The following CACNA2D3 variants were observed in gnomAD, a reference collection of about 807,000 sequenced individuals.
The protein encoded by CACNA2D3 is calcium voltage-gated channel auxiliary subunit alpha2delta 3, also known as voltage-dependent calcium channel subunit alpha-2/delta-3.
Under a neutral mutation model 160.6 loss-of-function variants are expected in CACNA2D3, and 60 were observed. That is an observed-to-expected ratio of 0.37 (90% CI 0.30 to 0.46). CACNA2D3 has a LOEUF of 0.46. Ranked by LOEUF, CACNA2D3 falls within the 20% of genes least tolerant of loss-of-function variation. The pLI is 1.00. For missense variants in CACNA2D3, 1,205 were observed against 1,365.0 expected (o/e 0.88, Z 1.85); for synonymous variants, 558 against 492.9 (o/e 1.13, Z -1.75).
rs1192648205 is a variant in CACNA2D3 at position 54,496,270 on chromosome 3, C to A, written c.382-7222C>A. 3.3e-5 allele frequency among the ~76,000 whole-genome samples: 5 copies of A among 152,226 alleles called. No homozygotes were observed. The East Asian group carries it at 9.6e-4, about 29-fold the overall frequency. ...TTGTACCATTTTATATTTCCACAAG[C>A]AATATATGAGATATTTGATTGCTCC... On this transcript the variant is annotated intron_variant, in intron 4 of 37. Transcript: ENST00000474759.
intron 27 of CACNA2D3, among the ~76,000 whole-genome samples, chr3:54,940,993 C>T (rs1701451992): frequency 6.6e-6 from 1 of 152,080 alleles, no homozygotes; most frequent in Non-Finnish European, 1.5e-5. Context: ...GATTTAAAAC[C>T]AGTTAACACA....
At chr3:54,806,519 G>T (rs972841597) in intron 13 of CACNA2D3, among the ~76,000 whole-genome samples, 1 of 151,614 alleles carries the variant, frequency 6.6e-6, no homozygotes, top group Non-Finnish European at 1.5e-5. Flanking sequence ...CCTCTTCAAG[G>T]AGAACTACAA....
chr3:55,003,861 G>A (rs867469931), intron 31 of CACNA2D3, among the ~76,000 whole-genome samples: 92 of 152,282 alleles, frequency 6.0e-4, no homozygotes, highest in African/African-American at 2.1e-3. Context: ...CTTTTAGATA[G>A]ATAAGGGAAC....
At chr3:54,675,103 G>A (rs1700217058) in intron 11 of CACNA2D3, among the ~76,000 whole-genome samples, 2 of 152,180 alleles carry the variant, frequency 1.3e-5, no homozygotes, top group Non-Finnish European at 2.9e-5. Flanking sequence ...TTTTTCAGAG[G>A]AGGAGGGGGA....
intron 6 of CACNA2D3, among the ~76,000 whole-genome samples, chr3:54,569,440 T>TC (rs34345111): frequency 0.26 from 38,765 of 151,948 alleles, 5,283 homozygotes; most frequent in South Asian, 0.41. Flanking sequence ...CTATGGATGA[T>TC]CCCCCCAGGT....
rs548496714 is a variant in CACNA2D3, at chr3:54,557,912, G to A, written c.545-4888G>A. 1.8e-4 allele frequency among the ~76,000 whole-genome samples: 28 copies of A among 152,290 alleles called. No individual in the cohort carries two copies. The East Asian group carries it at 2.3e-3, about 13-fold the overall frequency. On this transcript the variant is annotated intron_variant, in intron 5 of 37. Coordinates refer to ENST00000474759, the MANE Select transcript of CACNA2D3 (RefSeq NM_018398.3). ...CCTTGAGATGGGATTCAGAATCCCAGTTACCTCAGTGATCTGAAGGAATAA... is the reference window on the plus strand; with the variant it reads ...CCTTGAGATGGGATTCAGAATCCCAATTACCTCAGTGATCTGAAGGAATAA...
chr3:55,004,870 C>T lies in CACNA2D3; in HGVS notation c.2766+32C>T, dbSNP rs73845246. 2.7e-3 allele frequency: 4,084 copies of T among 1,494,484 alleles called. 105 individuals carry two copies. The African/African-American group carries it at 0.048, about 18-fold the overall frequency. The allele number at this position is 1,494,484 out of a possible 1,614,324, so 92.6% of individuals were successfully genotyped here. On this transcript the variant is annotated intron_variant, in intron 32 of 37. Coordinates refer to ENST00000474759, the MANE Select transcript of CACNA2D3 (RefSeq NM_018398.3). ...ACTATGCTGTCACTCAGAAAACAGC[C>T]ACACATTTCTGTCTTTCTCCCTGTC...
chr3:54,138,567 G>A (rs1379052846), intron 2 of CACNA2D3, among the ~76,000 whole-genome samples: 1 of 152,210 alleles, frequency 6.6e-6, no homozygotes, highest in Non-Finnish European at 1.5e-5. Flanking sequence ...TCTCTGACCA[G>A]GGGTCATTGT....
Position 54,892,799 on chromosome 3 carries a change from G to A in CACNA2D3, c.2246+1349G>A, listed in dbSNP as rs188106236. On this transcript the variant is annotated intron_variant, in intron 25 of 37. Coordinates refer to ENST00000474759, the MANE Select transcript of CACNA2D3 (RefSeq NM_018398.3). The stretch of plus-strand genomic sequence containing the variant: ...CTGAAACAAGCAAAGCTGCAAAACA[G>A]TAACAATAAAACATGACACCTTGCT... Among the ~76,000 whole-genome samples the A allele has an allele frequency of 7.4e-4, 112 of 152,314 alleles. 1 individual carries two copies. Among genetic ancestry groups the A allele is most frequent in the Admixed American group, 1.4e-3 (21 of 15,302 alleles).
At chr3:54,838,537 G>T (rs1359488478) in intron 15 of CACNA2D3, 31 bp from the exon 16 acceptor site, 1 of 1,552,038 alleles carries the variant, frequency 6.4e-7, no homozygotes, top group Admixed American at 1.7e-5. Flanking sequence ...TTAACTTACT[G>T]TTATTATAAT....
At chr3:54,215,838 C>G (rs1198109241) in intron 2 of CACNA2D3, among the ~76,000 whole-genome samples, 1 of 151,932 alleles carries the variant, frequency 6.6e-6, no homozygotes, top group Non-Finnish European at 1.5e-5. Context: ...CTATCCCATT[C>G]AAGGGCTAAG....
intron 9 of CACNA2D3, among the ~76,000 whole-genome samples, chr3:54,592,780 T>G (rs1702884915): frequency 6.6e-6 from 1 of 152,268 alleles, no homozygotes; most frequent in Non-Finnish European, 1.5e-5. Context: ...TCATCTTCTT[T>G]GGCAGTTTTG....
At chr3:54,924,248 A>G (rs909674760) in intron 27 of CACNA2D3, among the ~76,000 whole-genome samples, 5 of 152,244 alleles carry the variant, frequency 3.3e-5, no homozygotes, top group Admixed American at 1.3e-4. Context: ...AGAGATAACC[A>G]TACCCACAAT....
chr3:54,658,677 T>TCTGCACAGCAA (rs1481185074), intron 11 of CACNA2D3, among the ~76,000 whole-genome samples: 1 of 152,154 alleles, frequency 6.6e-6, no homozygotes, highest in Non-Finnish European at 1.5e-5. Context: ...CTAAGAAGCT[T>TCTGCACAGCAA]CTGCACAGCA....
chr3:54,516,781 G>T (rs1701558125), intron 5 of CACNA2D3, among the ~76,000 whole-genome samples: 1 of 152,172 alleles, frequency 6.6e-6, no homozygotes, highest in Non-Finnish European at 1.5e-5. Flanking sequence ...CTGACTTTCA[G>T]AGACTTTTCT....
intron 27 of CACNA2D3, among the ~76,000 whole-genome samples, chr3:54,931,396 C>G (rs1484007741): frequency 1.3e-5 from 2 of 152,168 alleles, no homozygotes; most frequent in African/African-American, 4.8e-5. Flanking sequence ...TGACCTCAGC[C>G]AAGAGAACAA....
intron 3 of CACNA2D3, among the ~76,000 whole-genome samples, chr3:54,359,155 C>T (rs895913728): frequency 6.6e-6 from 1 of 152,128 alleles, no homozygotes; most frequent in Non-Finnish European, 1.5e-5. Context: ...GGTCTGTCCT[C>T]AAAATAGGTC....
In CACNA2D3 at chr3:54,897,960, C is replaced by T. The variant is rs151267667; in HGVS notation, c.2368+1090C>T. On this transcript the variant is annotated intron_variant, in intron 26 of 37. Transcript: ENST00000474759. ...ATTATCTGTTAGATTCTTTTCAGGTCTAAGGTTCTTTGGGTCTGTGCTCCT... is the reference window on the plus strand; with the variant it reads ...ATTATCTGTTAGATTCTTTTCAGGTTTAAGGTTCTTTGGGTCTGTGCTCCT... Among the ~76,000 whole-genome samples the T allele has an allele frequency of 2.7e-3, 412 of 152,172 alleles. 1 individual carries two copies. Among genetic ancestry groups the T allele is most frequent in the East Asian group, 6.0e-3 (31 of 5,142 alleles).
chr3:54,346,370 T>C (rs1021411190), intron 3 of CACNA2D3, among the ~76,000 whole-genome samples: 1 of 152,204 alleles, frequency 6.6e-6, no homozygotes, highest in African/African-American at 2.4e-5. Context: ...TGACATGGAA[T>C]TGATTTCTCC....
Sources: gnomAD v4.1 joint callset for allele counts (sites outside exome capture counted in the v4.1 genomes callset) on GRCh38, gnomAD v4.1.1 for gene constraint, MANE v1.5 for transcripts, NCBI Gene and HGNC (gene_info 2026-07-23, HGNC 2026-07-21) for gene names.